Variants in NPAS3 observed in about 807,000 individuals in gnomAD.
NPAS3 encodes the protein neuronal PAS domain-containing protein 3.
A neutral mutation model predicts 73.1 loss-of-function variants in NPAS3; 14 were observed. The ratio of observed to expected loss-of-function variants is 0.19; its 90% CI spans 0.13 to 0.30. NPAS3 has a LOEUF of 0.30. NPAS3 is among the 10% of genes least tolerant of loss of function. The probability of loss-of-function intolerance (pLI) is 1.00; values close to 1 mark genes in which losing one functional copy is unlikely to be tolerated. For synonymous variants in NPAS3, 620 were observed against 541.5 expected (o/e 1.14, Z -2.01); for missense variants, 1,096 against 1,250.0 (o/e 0.88, Z 1.86).
intron 5 of NPAS3, among the ~76,000 whole-genome samples, chr14:33,644,434 T>C (rs1454295540): frequency 6.6e-6 from 1 of 152,218 alleles, no homozygotes; most frequent in East Asian, 1.9e-4. Flanking sequence ...GCCTTTCTCA[T>C]TTGGCCAGCC....
intron 2 of NPAS3, among the ~76,000 whole-genome samples, chr14:33,150,951 T>C (rs1450602451): frequency 1.3e-5 from 2 of 152,240 alleles, no homozygotes; most frequent in African/African-American, 4.8e-5. Flanking sequence ...ATCCTATTGA[T>C]TGCGGTACCA....
At chr14:33,423,894 T>C (rs1043020291) in intron 4 of NPAS3, among the ~76,000 whole-genome samples, 1 of 151,976 alleles carries the variant, frequency 6.6e-6, no homozygotes, top group African/African-American at 2.4e-5. Flanking sequence ...CCTGTCTACC[T>C]ACCTCCTTCA....
At chr14:33,274,507 A>G (rs1052043272) in intron 3 of NPAS3, among the ~76,000 whole-genome samples, 9 of 151,950 alleles carry the variant, frequency 5.9e-5, no homozygotes, top group African/African-American at 2.2e-4. Flanking sequence ...TATCTTTACA[A>G]TTGGCCGCTA....
At chr14:32,994,765 G>T (rs1002713468) in intron 1 of NPAS3, among the ~76,000 whole-genome samples, 2 of 151,932 alleles carry the variant, frequency 1.3e-5, no homozygotes, top group Non-Finnish European at 2.9e-5. Flanking sequence ...CCAAGTAGCT[G>T]GGATTACAGG....
chr14:33,394,232 A>G (rs2047127772), intron 4 of NPAS3, among the ~76,000 whole-genome samples: 1 of 152,190 alleles, frequency 6.6e-6, no homozygotes, highest in African/African-American at 2.4e-5. Context: ...CTGTCAATCA[A>G]AACCCATTGG....
chr14:33,290,883 A>C (rs1193317197), intron 3 of NPAS3, among the ~76,000 whole-genome samples: 1 of 152,208 alleles, frequency 6.6e-6, no homozygotes, highest in Non-Finnish European at 1.5e-5. Context: ...CGGCAGCATA[A>C]TTGTCACAGG....
At position 33,800,077 on chromosome 14, in the gene NPAS3, C is replaced by A. The variant is rs890595014; in HGVS notation, c.1770C>A (p.Gly590=). ...ACTCGGACAGCGCAGGCGAGGCGGGCGCGCAGGCCTCCAGCAAGCACCAGA... is the reference window on the plus strand; with the variant it reads ...ACTCGGACAGCGCAGGCGAGGCGGGAGCGCAGGCCTCCAGCAAGCACCAGA... Residue 590 remains glycine (G), a synonymous_variant, in exon 12 of 12, where the codon GGC becomes GGA. Transcript: ENST00000356141. This position sits in a 1 kb window ranked among gnomAD's most constrained non-coding sequence, Gnocchi z 6.5. 20 of 1,597,390 alleles carry A rather than the reference C, an allele frequency of 1.3e-5. No individual in the cohort carries two copies. The highest frequency in any genetic ancestry group is 3.5e-5 in the Admixed American group (2 of 57,896).
In NPAS3 at chr14:33,177,071, T is replaced by TTTTTTATTA. The variant is rs1174345534; in HGVS notation, c.141-38109_141-38108insTTTATTATT. 3.5e-4 allele frequency among the ~76,000 whole-genome samples: 49 copies of TTTTTTATTA among 138,316 alleles called. 1 individual carries two copies. The highest frequency in any genetic ancestry group is 4.9e-4 in the Non-Finnish European group (32 of 65,026). 90.7% of individuals were successfully genotyped at this position (138,316 alleles called of 152,430 possible). On this transcript the variant is annotated intron_variant, in intron 2 of 11. Coordinates refer to ENST00000356141, the Ensembl canonical transcript of NPAS3. Reference sequence around the variant, plus strand: ...ATTTTTTAATTAGGCTGTTTATCTTTTTATTATTATTATTATTATTATTAT... The same window carrying TTTTTTATTA: ...ATTTTTTAATTAGGCTGTTTATCTTTTTTTTATTATTATTATTATTATTATTATTATTAT...
At chr14:33,234,779 G>A (rs2047973913) in intron 3 of NPAS3, among the ~76,000 whole-genome samples, 1 of 152,094 alleles carries the variant, frequency 6.6e-6, no homozygotes, top group Non-Finnish European at 1.5e-5. Flanking sequence ...CCTATGAACA[G>A]TAAATTCCAG....
At position 33,394,172 on chromosome 14, in the gene NPAS3, GT is replaced by G. The variant is rs2047124639; in HGVS notation, c.468+26905del. On this transcript the variant is annotated intron_variant, in intron 4 of 11. Transcript: ENST00000356141. ...AAAATGACAGATGAAATCGCCTGCTGTCTTGACCTGTACTTTGTTCCCTCAG... is the reference window on the plus strand; with the variant it reads ...AAAATGACAGATGAAATCGCCTGCTGCTTGACCTGTACTTTGTTCCCTCAG... 3.9e-5 allele frequency among the ~76,000 whole-genome samples: 6 copies of G among 152,274 alleles called. No homozygotes were observed. In the South Asian group the frequency reaches 1.2e-3, roughly 32 times the overall value.
At chr14:33,322,570 G>T (rs1349851629) in intron 3 of NPAS3, among the ~76,000 whole-genome samples, 1 of 151,574 alleles carries the variant, frequency 6.6e-6, no homozygotes, top group Non-Finnish European at 1.5e-5. Context: ...TTTTAAAGAA[G>T]TCTTTTTGTC....
At chr14:33,428,512 T>C (rs986207090) in intron 4 of NPAS3, among the ~76,000 whole-genome samples, 97 of 152,250 alleles carry the variant, frequency 6.4e-4, no homozygotes, top group African/African-American at 2.3e-3. Flanking sequence ...ACAAGGTTGC[T>C]AATGTTGAAC....
intron 1 of NPAS3, among the ~76,000 whole-genome samples, chr14:33,026,189 G>T (rs1041876843): frequency 5.3e-5 from 8 of 152,032 alleles, no homozygotes; most frequent in African/African-American, 1.7e-4. Context: ...AAAACATAGC[G>T]TGTCCTCCCA....
At chr14:33,485,941 T>G (rs1448774861) in intron 4 of NPAS3, among the ~76,000 whole-genome samples, 1 of 152,002 alleles carries the variant, frequency 6.6e-6, no homozygotes, top group Admixed American at 6.6e-5. Flanking sequence ...GGTCATAGTA[T>G]ATGAATGTGA....
At chr14:33,363,258 G>T (rs1001066455) in intron 3 of NPAS3, among the ~76,000 whole-genome samples, 2 of 152,146 alleles carry the variant, frequency 1.3e-5, no homozygotes, top group Non-Finnish European at 2.9e-5. Flanking sequence ...CCAAAGAAGG[G>T]TTGCCTTTTA....
At chr14:33,798,977 C>CAAAAAAAA (rs35096703) in intron 11 of NPAS3, among the ~76,000 whole-genome samples, 21 of 106,078 alleles carry the variant, frequency 2.0e-4, no homozygotes, top group Admixed American at 4.3e-4. Context: ...CCTGTCTCTA[C>CAAAAAAAA]AAAAAAAAAA....
chr14:33,324,001 A>G (rs1394635039), intron 3 of NPAS3, among the ~76,000 whole-genome samples: 1 of 152,208 alleles, frequency 6.6e-6, no homozygotes, highest in Admixed American at 6.5e-5. Context: ...TTTTAAAATC[A>G]GTTTTGAGTA....
chr14:33,290,647 C>T (rs1186656203), intron 3 of NPAS3, among the ~76,000 whole-genome samples: 1 of 152,110 alleles, frequency 6.6e-6, no homozygotes, highest in Non-Finnish European at 1.5e-5. Context: ...GTAACAATAA[C>T]CTTCTTGCTC....
chr14:33,548,283 G>A (rs551233270), intron 4 of NPAS3, among the ~76,000 whole-genome samples: 29 of 152,226 alleles, frequency 1.9e-4, no homozygotes, highest in African/African-American at 6.3e-4. Flanking sequence ...GATGTAGACC[G>A]TCATTCATCA....
Sources: allele counts gnomAD v4.1 joint callset (sites outside exome capture counted in the v4.1 genomes callset), GRCh38; gene constraint gnomAD v4.1.1; non-coding constraint Gnocchi (gnomAD v3.1); transcripts MANE v1.5; gene names NCBI Gene and HGNC (gene_info 2026-07-23, HGNC 2026-07-21).